The following MYO5B variants were observed in gnomAD, a reference collection of about 807,000 sequenced individuals.
MYO5B encodes unconventional myosin-Vb.
A neutral mutation model predicts 229.3 loss-of-function variants in MYO5B; 143 were observed. That is an observed-to-expected ratio of 0.62 (90% CI 0.54 to 0.72). The LOEUF is 0.72. Among genes scored for constraint, MYO5B ranks in the 30% least tolerant of loss-of-function variants. The probability of loss-of-function intolerance (pLI) is 0.00; values close to 1 mark genes in which losing one functional copy is unlikely to be tolerated. For synonymous variants in MYO5B, 918 were observed against 885.2 expected, an observed-to-expected ratio of 1.04 and a Z score of -0.66; for missense variants, 2,321 against 2,331.0, an observed-to-expected ratio of 1.00 and a Z score of 0.09.
intron 8 of MYO5B, among the ~76,000 whole-genome samples, chr18:49,981,642 C>T (rs2025816266): frequency 6.6e-6 from 1 of 152,184 alleles, no homozygotes; most frequent in African/African-American, 2.4e-5. Context: ...TCATTAGATT[C>T]CCAGGGCCTT....
At chr18:50,146,613 C>A (rs1568124208) in intron 1 of MYO5B, among the ~76,000 whole-genome samples, 1 of 152,222 alleles carries the variant, frequency 6.6e-6, no homozygotes, top group Non-Finnish European at 1.5e-5. Context: ...GGCCTCCAAA[C>A]AAGCTAGTCC....
rs1292679914 is a variant in MYO5B, at chr18:50,194,804, G to A, written c.-11C>T. ...CTCGCCCACCGACATGGCCCGGGCC[G>A]GGCGGGGCTCGGGCCCCGGCTCCTG... On this transcript the variant is annotated 5_prime_UTR_variant, in exon 1 of 40. Transcript: ENST00000285039. 3.7e-6 allele frequency: 5 copies of A among 1,353,860 alleles called. No individual in the cohort carries two copies. The highest frequency in any genetic ancestry group is 3.6e-5 in the South Asian group (2 of 54,948). The allele number at this position is 1,353,860 out of a possible 1,614,324, so 83.9% of individuals were successfully genotyped here.
At chr18:49,955,898 T>C (rs1332436933) in intron 12 of MYO5B, among the ~76,000 whole-genome samples, 1 of 152,200 alleles carries the variant, frequency 6.6e-6, no homozygotes, top group Non-Finnish European at 1.5e-5. Flanking sequence ...AAGAGGGACC[T>C]AGAAGGACTG....
intron 4 of MYO5B, among the ~76,000 whole-genome samples, chr18:50,021,718 T>TTAAA (rs1555651875): frequency 8.4e-6 from 1 of 119,596 alleles, no homozygotes; most frequent in African/African-American, 3.2e-5. Context: ...CCCATCTGCG[T>TTAAA]AAAAAAAAAA....
At chr18:50,102,713 T>C (rs868395047) in intron 1 of MYO5B, among the ~76,000 whole-genome samples, 5 of 149,980 alleles carry the variant, frequency 3.3e-5, no homozygotes, top group South Asian at 2.1e-4. Context: ...GCAGAATCTC[T>C]AACCTCAGAA....
intron 1 of MYO5B, among the ~76,000 whole-genome samples, chr18:50,153,784 C>G (rs375044311): frequency 6.6e-6 from 1 of 152,128 alleles, no homozygotes; most frequent in Non-Finnish European, 1.5e-5. Flanking sequence ...CAACTCTACC[C>G]TTGAGTGGGG....
At chr18:50,187,666 C>T (rs1333520893) in intron 1 of MYO5B, among the ~76,000 whole-genome samples, 2 of 152,138 alleles carry the variant, frequency 1.3e-5, no homozygotes, top group Non-Finnish European at 2.9e-5. Context: ...CAGGTGCATG[C>T]CATCACACCC....
rs1462528078 is a variant in MYO5B, at chr18:49,953,932, GTA to G, written c.1668+379_1668+380del. On this transcript the variant is annotated intron_variant, in intron 13 of 39. Coordinates refer to ENST00000285039, the MANE Select transcript of MYO5B (RefSeq NM_001080467.3). Reference sequence around the variant, plus strand: ...TGTGTGTGTGTGTGTGTGTGTGTGTGTAGACTATATATATACAGACATGTGTG... The same window carrying G: ...TGTGTGTGTGTGTGTGTGTGTGTGTGGACTATATATATACAGACATGTGTG... Among the ~76,000 whole-genome samples, 5 of 76,198 alleles carry G rather than the reference GTA, an allele frequency of 6.6e-5. No homozygotes were observed. In the South Asian group the frequency reaches 1.6e-3, roughly 24 times the overall value. The allele number at this position is 76,198 out of a possible 152,430, so 50.0% of individuals were successfully genotyped here. A position where few individuals can be genotyped will look rare whatever the true frequency, so the allele number is the denominator to read the frequency against.
chr18:50,127,915 G>A lies in MYO5B; in HGVS notation c.27+66852C>T, dbSNP rs148193847. 7.9e-4 allele frequency among the ~76,000 whole-genome samples: 121 copies of A among 152,270 alleles called. 1 individual carries two copies. Among genetic ancestry groups the A allele is most frequent in the South Asian group, 6.8e-3 (33 of 4,818 alleles). On this transcript the variant is annotated intron_variant, in intron 1 of 39. Coordinates refer to ENST00000285039, the MANE Select transcript of MYO5B (RefSeq NM_001080467.3). ...AAGGGAACCCTGCCTGTTTGAGCTG[G>A]GACACTGCTATTTTTCCCACCTTCA...
chr18:50,105,247 AT>A (rs1164502112), intron 1 of MYO5B, among the ~76,000 whole-genome samples: 1 of 139,946 alleles, frequency 7.1e-6, no homozygotes, highest in African/African-American at 2.8e-5. Flanking sequence ...AAATAAATAA[AT>A]AAAAAATAGA....
chr18:49,932,333 T>TA (rs1051748870), intron 16 of MYO5B, among the ~76,000 whole-genome samples: 1 of 152,136 alleles, frequency 6.6e-6, no homozygotes, highest in Non-Finnish European at 1.5e-5. Flanking sequence ...GGTTTTCTCT[T>TA]AGAGTCTCCA....
chr18:50,177,350 G>T (rs754607561), intron 1 of MYO5B, among the ~76,000 whole-genome samples: 44 of 152,274 alleles, frequency 2.9e-4, no homozygotes, highest in Admixed American at 8.5e-4. Context: ...CTCATTTTAA[G>T]GTGGCAGCTA....
At chr18:50,077,167 G>GCAAAAAAAAAAA (rs1491444483) in intron 1 of MYO5B, among the ~76,000 whole-genome samples, 1 of 26,612 alleles carries the variant, frequency 3.8e-5, no homozygotes, top group Non-Finnish European at 8.0e-5. Context: ...TTGTGGCAAA[G>GCAAAAAAAAAAA]TAAAAAAAAA....
rs979291182 is a variant in MYO5B at position 50,158,921 on chromosome 18, C to T, written c.27+35846G>A. Among the ~76,000 whole-genome samples the T allele has an allele frequency of 2.6e-5, 4 of 152,284 alleles. 1 individual carries two copies. The highest frequency in any genetic ancestry group is 5.9e-5 in the Non-Finnish European group (4 of 68,032). On this transcript the variant is annotated intron_variant, in intron 1 of 39. Transcript: ENST00000285039. ...GTCCTCTAGATTAAACATGAATCTA[C>T]GCCTGTGCTACCCTACACCACGATG...
chr18:49,906,914 T>C (rs1341811352), intron 18 of MYO5B, among the ~76,000 whole-genome samples: 2 of 152,032 alleles, frequency 1.3e-5, no homozygotes, highest in Admixed American at 6.5e-5. Flanking sequence ...TTTCAGAGAA[T>C]GGTGAGGATT....
intron 10 of MYO5B, among the ~76,000 whole-genome samples, chr18:49,963,637 AAGC>A (rs2025588774): frequency 6.6e-6 from 1 of 152,016 alleles, no homozygotes. Flanking sequence ...CATGTTGTCC[AAGC>A]TGGTCTCGAA....
intron 33 of MYO5B, among the ~76,000 whole-genome samples, chr18:49,845,571 C>T (rs1034412223): frequency 5.3e-5 from 8 of 152,260 alleles, no homozygotes; most frequent in Admixed American, 3.3e-4. Context: ...CACAGCATTT[C>T]GCCTTTGACA....
At chr18:49,875,893 C>A (rs568862298) in intron 25 of MYO5B, 66 bp from the exon 26 acceptor site, 3 of 1,578,218 alleles carry the variant, frequency 1.9e-6, no homozygotes, top group African/African-American at 2.7e-5. Context: ...ACACACAGCA[C>A]TTCACTGCCT....
At chr18:50,066,901 A>C (rs1210160292) in intron 1 of MYO5B, among the ~76,000 whole-genome samples, 22 of 152,068 alleles carry the variant, frequency 1.4e-4, no homozygotes, top group Non-Finnish European at 1.2e-4. Flanking sequence ...ATAACCATAG[A>C]TCCCCTAGGA....
Sources: gnomAD v4.1 joint callset for allele counts (sites outside exome capture counted in the v4.1 genomes callset) on GRCh38, gnomAD v4.1.1 for gene constraint, MANE v1.5 for transcripts, NCBI Gene and HGNC (gene_info 2026-07-23, HGNC 2026-07-21) for gene names.